Variants in DNAH11 observed in about 807,000 individuals in gnomAD.
DNAH11 encodes dynein axonemal heavy chain 11, also known as axonemal beta dynein heavy chain 11.
In DNAH11, 442 loss-of-function variants were observed where a neutral mutation model predicts 526.0. That is an observed-to-expected ratio of 0.84 (90% CI 0.78 to 0.91). DNAH11 has a LOEUF of 0.91. Ranked by LOEUF, DNAH11 falls within the 40% of genes least tolerant of loss-of-function variation. The probability of loss-of-function intolerance (pLI) is 0.00; values close to 1 mark genes in which losing one functional copy is unlikely to be tolerated. For synonymous variants in DNAH11, 2,461 were observed against 1,935.9 expected, an observed-to-expected ratio of 1.27 and a Z score of -7.12; for missense variants, 6,989 against 5,448.7, an observed-to-expected ratio of 1.28 and a Z score of -8.90.
chr7:21,795,958 G>A (rs949159301), intron 61 of DNAH11, among the ~76,000 whole-genome samples: 4 of 143,898 alleles, frequency 2.8e-5, no homozygotes, highest in African/African-American at 1.0e-4. Context: ...CAAGAAAGAG[G>A]GTCACGTGTC....
At chr7:21,698,332 T>TA (rs532541747) in intron 36 of DNAH11, 119 bp downstream of exon 36, 3 of 1,398,096 alleles carry the variant, frequency 2.1e-6, no homozygotes, top group Non-Finnish European at 2.9e-6. Context: ...TTTTTGTACT[T>TA]AAAAAAATTC....
At chr7:21,899,885 C>T (rs759238776) in intron 80 of DNAH11, 95 bp from the exon 81 acceptor site, 64 of 1,468,994 alleles carry the variant, frequency 4.4e-5, no homozygotes, top group Middle Eastern at 1.9e-4. Context: ...CTAAAACACC[C>T]TATGGGACTA....
chr7:21,698,869 A>G (rs999749077), intron 36 of DNAH11, among the ~76,000 whole-genome samples: 7 of 152,200 alleles, frequency 4.6e-5, no homozygotes, highest in African/African-American at 1.7e-4. Flanking sequence ...GATTCCTTTA[A>G]AAACTAAAAC....
intron 61 of DNAH11, among the ~76,000 whole-genome samples, chr7:21,800,130 C>T (rs893789442): frequency 4.6e-5 from 7 of 152,226 alleles, no homozygotes; most frequent in Non-Finnish European, 4.4e-5. Flanking sequence ...CTTGGAGTCT[C>T]TAGGGCTGTG....
intron 63 of DNAH11, among the ~76,000 whole-genome samples, chr7:21,815,237 G>T (rs1789728921): frequency 6.6e-6 from 1 of 152,134 alleles, no homozygotes; most frequent in Non-Finnish European, 1.5e-5. Context: ...TCAGCTGTTT[G>T]TATTAAGTAG....
chr7:21,625,793 A>G (rs770248205), intron 25 of DNAH11, among the ~76,000 whole-genome samples: 19 of 152,114 alleles, frequency 1.2e-4, no homozygotes, highest in Middle Eastern at 3.4e-3. Context: ...ATTTTCATGT[A>G]TTTGTGAGTT....
At chr7:21,853,112 A>G (rs1382932033) in intron 67 of DNAH11, among the ~76,000 whole-genome samples, 4 of 152,186 alleles carry the variant, frequency 2.6e-5, no homozygotes, top group African/African-American at 9.7e-5. Context: ...TATTCACCCC[A>G]GGAAAAATGA....
At chr7:21,658,221 G>A (rs570616617) in intron 29 of DNAH11, among the ~76,000 whole-genome samples, 2 of 151,900 alleles carry the variant, frequency 1.3e-5, no homozygotes, top group Non-Finnish European at 2.9e-5. Context: ...ACTCTCCTGT[G>A]GTCTAATTTC....
At chr7:21,592,850 T>C (rs185883349) in intron 14 of DNAH11, among the ~76,000 whole-genome samples, 3 of 152,160 alleles carry the variant, frequency 2.0e-5, no homozygotes, top group Non-Finnish European at 1.5e-5. Context: ...TTTAATGATA[T>C]GAGGAAGACT....
chr7:21,605,140 C>T (rs1397962526), intron 18 of DNAH11, among the ~76,000 whole-genome samples: 1 of 152,340 alleles, frequency 6.6e-6, no homozygotes, highest in East Asian at 1.9e-4. Flanking sequence ...TTTTAGCACC[C>T]TGTTCACCAC....
rs776879195 is a variant in DNAH11 at position 21,702,761 on chromosome 7, G to A, written c.6232G>A (p.Gly2078Arg). 3 of 1,613,506 alleles carry A rather than the reference G, an allele frequency of 1.9e-6. No homozygotes were observed. In the South Asian group the frequency reaches 3.3e-5, roughly 18 times the overall value. Residue 2078 changes from glycine (G) to arginine (R), a missense_variant, in exon 37 of 82, where the codon GGA (glycine) becomes AGA (arginine). Physicochemically the swap from Gly to Arg is moderately radical, Grantham distance 125. Coordinates refer to ENST00000409508, the MANE Select transcript of DNAH11 (RefSeq NM_001277115.2). The stretch of plus-strand genomic sequence containing the variant: ...TATTAAGTCTGTCTTGGTTGTGGCT[G>A]GATCTCTGAAACGAGGAGATAAAAA... The part of the protein sequence containing the change: ...RAIKSVLVVA[G>R]SLKRGDKNRP...
chr7:21,617,878 C>G, intron 23 of DNAH11, 101 bp downstream of exon 23: 1 of 1,247,244 alleles, frequency 8.0e-7, no homozygotes, highest in South Asian at 1.9e-5. Context: ...GAAAAGACCC[C>G]CCTCAGCATA....
chr7:21,874,375 G>A lies in DNAH11; in HGVS notation c.12195+874G>A, dbSNP rs529216184. ...TTTGAGACAGAGTTTTGCTCTTGTC[G>A]CCCAGGCTGGAGTGCAATGACATGA... is the stretch of plus-strand genomic sequence containing the variant. On this transcript the variant is annotated intron_variant, in intron 74 of 81. Coordinates refer to ENST00000409508, the MANE Select transcript of DNAH11 (RefSeq NM_001277115.2). 4.6e-5 allele frequency among the ~76,000 whole-genome samples: 7 copies of A among 150,566 alleles called. No individual in the cohort carries two copies. In the East Asian group the frequency reaches 5.9e-4, roughly 13 times the overall value.
chr7:21,777,965 T>A (rs1310105149), intron 56 of DNAH11, among the ~76,000 whole-genome samples: 1 of 152,224 alleles, frequency 6.6e-6, no homozygotes, highest in Non-Finnish European at 1.5e-5. Flanking sequence ...TGGTTATGAT[T>A]GTTCTTTGCT....
At chr7:21,739,927 C>T (rs1448479213) in intron 48 of DNAH11, among the ~76,000 whole-genome samples, 1 of 152,064 alleles carries the variant, frequency 6.6e-6, no homozygotes, top group Non-Finnish European at 1.5e-5. Flanking sequence ...CTCTTAATGC[C>T]CCCACTTGTT....
chr7:21,818,305 C>G lies in DNAH11; in HGVS notation c.10657C>G (p.Pro3553Ala). 1 of 1,609,182 alleles carries G rather than the reference C, an allele frequency of 6.2e-7. No homozygotes were observed. The highest frequency in any genetic ancestry group is 8.5e-7 in the Non-Finnish European group (1 of 1,178,326). Residue 3553 changes from proline to alanine, a missense_variant, in exon 65 of 82, where the codon CCA (proline) becomes GCA (alanine). Coordinates refer to ENST00000409508, the MANE Select transcript of DNAH11 (RefSeq NM_001277115.2). ...LEETIDPVLD[P>A]LLGRNTIKKG... is the part of the protein sequence containing the mutation. ...GGAAACGATAGATCCAGTCCTGGAT[C>G]CACTACTTGGCAGGAACACAATTAA...
intron 22 of DNAH11, 79 bp downstream of exon 22, chr7:21,616,371 G>C: frequency 8.7e-7 from 1 of 1,147,562 alleles, no homozygotes; most frequent in South Asian, 1.5e-5. Context: ...TCTAGTATCT[G>C]GTGTATTGGG....
intron 1 of DNAH11, 36 bp downstream of exon 1, chr7:21,543,632 A>G (rs1163117294): frequency 1.2e-5 from 19 of 1,553,568 alleles, no homozygotes; most frequent in Admixed American, 2.0e-5. Context: ...TGCCCATCCA[A>G]CAAAACTACC....
At chr7:21,767,753 T>C (rs1787242503) in intron 55 of DNAH11, among the ~76,000 whole-genome samples, 1 of 152,180 alleles carries the variant, frequency 6.6e-6, no homozygotes, top group Non-Finnish European at 1.5e-5. Context: ...TAAAAACCTG[T>C]GGTGTCTTTT....
Sources: gnomAD v4.1 joint callset for allele counts (sites outside exome capture counted in the v4.1 genomes callset) on GRCh38, gnomAD v4.1.1 for gene constraint, MANE v1.5 for transcripts, NCBI Gene and HGNC (gene_info 2026-07-23, HGNC 2026-07-21) for gene names.